HSD17B12: variants seen among roughly 807,000 people sequenced by gnomAD.
HSD17B12 encodes hydroxysteroid 17-beta dehydrogenase 12, also known as very-long-chain 3-oxoacyl-CoA reductase.
HSD17B12 carries 32 observed loss-of-function variants against 39.3 expected under a neutral mutation model. The observed-to-expected ratio is 0.81, with a 90% confidence interval of 0.61 to 1.09. The LOEUF is 1.09. Ranked by LOEUF, HSD17B12 falls within the 50% of genes least tolerant of loss-of-function variation. HSD17B12 has a pLI of 0.00. For missense variants in HSD17B12, 342 were observed against 382.9 expected, an observed-to-expected ratio of 0.89 and a Z score of 0.89; for synonymous variants, 150 against 146.7, an observed-to-expected ratio of 1.02 and a Z score of -0.16.
At chr11:43,608,360 C>T in the HSD17B12 span, among the ~76,000 whole-genome samples, 1 of 109,566 alleles carries the variant, frequency 9.1e-6, no homozygotes, top group East Asian at 5.1e-4. Flanking sequence ...GAGACTCTGT[C>T]TCAAAAAAAA....
chr11:43,851,989 C>A (rs1518820), intron 9 of HSD17B12: 16,999 of 152,202 alleles, frequency 0.11, 1,446 homozygotes, highest in African/African-American at 0.24. Context: ...TCTTGCACTT[C>A]ATTTAAGACT....
At chr11:43,751,118 T>G (rs2134940764) in intron 2 of HSD17B12, among the ~76,000 whole-genome samples, 161 bp downstream of exon 2, 1 of 152,328 alleles carries the variant, frequency 6.6e-6, no homozygotes, top group African/African-American at 2.4e-5. Flanking sequence ...ATACCATATT[T>G]GCCTAAACAG....
Position 43,817,702 on chromosome 11 carries a change from G to T in HSD17B12, c.501+1311G>T, listed in dbSNP as rs570835515. ...TCTCTGTTCTGTTCAGTTGGTCTACGTGCCTATTTTTATACCAGTCCCATG... is the reference window on the plus strand; with the variant it reads ...TCTCTGTTCTGTTCAGTTGGTCTACTTGCCTATTTTTATACCAGTCCCATG... On this transcript the variant is annotated intron_variant, in intron 6 of 10. Coordinates refer to ENST00000278353, the MANE Select transcript of HSD17B12 (RefSeq NM_016142.3). Among the ~76,000 whole-genome samples the T allele has an allele frequency of 4.6e-5, 7 of 152,112 alleles. No individual in the cohort carries two copies. In the East Asian group the frequency reaches 1.4e-3, roughly 29 times the overall value.
intron 9 of HSD17B12, chr11:43,853,353 A>AC (rs1398522697): frequency 6.9e-6 from 1 of 145,136 alleles, no homozygotes; most frequent in Admixed American, 6.8e-5. Context: ...AAAAAAAAAA[A>AC]AAAAAAAAAA....
chr11:43,634,950 G>T, the HSD17B12 span, among the ~76,000 whole-genome samples: 1 of 152,148 alleles, frequency 6.6e-6, no homozygotes, highest in African/African-American at 2.4e-5. Flanking sequence ...GAGAATAACT[G>T]TTAGCTTTGT....
At chr11:43,706,368 A>AC (rs1170513360) in intron 1 of HSD17B12, among the ~76,000 whole-genome samples, 4 of 152,046 alleles carry the variant, frequency 2.6e-5, no homozygotes, top group African/African-American at 9.7e-5. Flanking sequence ...AGATAGTGAA[A>AC]CCCCGTCTCT....
chr11:43,611,406 C>T, the HSD17B12 span, among the ~76,000 whole-genome samples: 2 of 152,276 alleles, frequency 1.3e-5, no homozygotes, highest in Non-Finnish European at 2.9e-5. Context: ...TTACAAAGCC[C>T]TCCTTTTCCC....
At chr11:43,769,195 C>T (rs1950626881) in intron 3 of HSD17B12, among the ~76,000 whole-genome samples, 1 of 152,228 alleles carries the variant, frequency 6.6e-6, no homozygotes. Context: ...CTGCCTCAGC[C>T]TCCCAAAGTG....
chr11:43,741,738 T>TC (rs1950366528), intron 1 of HSD17B12, among the ~76,000 whole-genome samples: 1 of 148,642 alleles, frequency 6.7e-6, no homozygotes, highest in South Asian at 2.1e-4. Context: ...CTTTTTCTTT[T>TC]TTTTTTTTTT....
At chr11:43,574,157 T>C in the HSD17B12 span, among the ~76,000 whole-genome samples, 1 of 152,174 alleles carries the variant, frequency 6.6e-6, no homozygotes, top group Admixed American at 6.5e-5. Context: ...CAGACAGGAA[T>C]TGAGGGTAGT....
chr11:43,839,545 A>G (rs1951404687), intron 8 of HSD17B12, among the ~76,000 whole-genome samples: 1 of 152,100 alleles, frequency 6.6e-6, no homozygotes, highest in Non-Finnish European at 1.5e-5. Flanking sequence ...TACTTCTTGG[A>G]TCTTGTCATC....
intron 1 of HSD17B12, among the ~76,000 whole-genome samples, chr11:43,702,802 T>G (rs1949977276): frequency 6.6e-6 from 1 of 152,182 alleles, no homozygotes; most frequent in Non-Finnish European, 1.5e-5. Context: ...CATGAGATTT[T>G]TTTTGCAATT....
At chr11:43,804,552 C>G (rs1306072965) in intron 4 of HSD17B12, among the ~76,000 whole-genome samples, 1 of 152,166 alleles carries the variant, frequency 6.6e-6, no homozygotes, top group Non-Finnish European at 1.5e-5. Context: ...AACACTTGCT[C>G]CACTAATGTT....
intron 1 of HSD17B12, among the ~76,000 whole-genome samples, chr11:43,709,124 CT>C (rs541574271): frequency 1.4e-4 from 21 of 150,116 alleles, no homozygotes; most frequent in African/African-American, 4.9e-4. Flanking sequence ...ATAAGCAAGA[CT>C]TTTTTTTTTC....
chr11:43,826,635 A>G (rs1951244076), intron 6 of HSD17B12, among the ~76,000 whole-genome samples: 1 of 148,590 alleles, frequency 6.7e-6, no homozygotes, highest in Non-Finnish European at 1.5e-5. Context: ...ACTTAACATT[A>G]ATAAAAAGGG....
At chr11:43,830,831 C>T (rs570225361) in intron 6 of HSD17B12, 145 bp from the exon 7 acceptor site, 2 of 593,618 alleles carry the variant, frequency 3.4e-6, no homozygotes, top group East Asian at 6.1e-5. Context: ...TCACATTCTA[C>T]AGTGTACAGA....
chr11:43,628,805 T>C, the HSD17B12 span, among the ~76,000 whole-genome samples: 1 of 151,678 alleles, frequency 6.6e-6, no homozygotes, highest in Non-Finnish European at 1.5e-5. Flanking sequence ...AAAATTAAAT[T>C]ATTTTTATAA....
At chr11:43,611,756 T>A in the HSD17B12 span, among the ~76,000 whole-genome samples, 1 of 152,184 alleles carries the variant, frequency 6.6e-6, no homozygotes, top group Admixed American at 6.5e-5. Context: ...AATAGTGAAT[T>A]TTTTTGTTCC....
At chr11:43,669,388 C>T in the HSD17B12 span, among the ~76,000 whole-genome samples, 1 of 151,940 alleles carries the variant, frequency 6.6e-6, no homozygotes, top group Non-Finnish European at 1.5e-5. Context: ...GTAATCCCAG[C>T]TACTTGGGAG....
Sources: gnomAD v4.1 joint callset for allele counts (sites outside exome capture counted in the v4.1 genomes callset) on GRCh38, gnomAD v4.1.1 for gene constraint, MANE v1.5 for transcripts, NCBI Gene and HGNC (gene_info 2026-07-23, HGNC 2026-07-21) for gene names.